FSIP1: variants seen among roughly 807,000 people sequenced by gnomAD.
The protein encoded by FSIP1 is fibrous sheath interacting protein 1, also known as fibrous sheath-interacting protein 1.
A neutral mutation model predicts 60.9 loss-of-function variants in FSIP1; 65 were observed. The observed-to-expected ratio is 1.07, with a 90% CI of 0.87 to 1.31. FSIP1 has a LOEUF of 1.31. Among genes scored for constraint, FSIP1 ranks in the 40% most tolerant of loss-of-function variants. The pLI, the probability that FSIP1 is intolerant of heterozygous loss-of-function variation, is 0.00. For missense variants in FSIP1, 675 were observed against 665.5 expected, an observed-to-expected ratio of 1.01 and a Z score of -0.16; for synonymous variants, 209 against 221.2, an observed-to-expected ratio of 0.94 and a Z score of 0.49.
rs1006855295 is a variant in FSIP1, at chr15:39,707,949, C to T, written c.1188+5495G>A. Among the ~76,000 whole-genome samples the T allele has an allele frequency of 2.6e-5, 4 of 152,272 alleles. No homozygotes were observed. The East Asian group carries it at 7.7e-4, about 29-fold the overall frequency. On this transcript the variant is annotated intron_variant, in intron 10 of 11. Coordinates refer to ENST00000350221, the MANE Select transcript of FSIP1 (RefSeq NM_152597.5). Reference sequence around the variant, plus strand: ...GAAGCCTGTAGAGCGCCCCAACCAACAGAAAACTACTCTCTTGTTTGTCTG... The same window carrying T: ...GAAGCCTGTAGAGCGCCCCAACCAATAGAAAACTACTCTCTTGTTTGTCTG...
At chr15:39,597,538 T>C (rs1330395881), downstream of FSIP1, 2 of 152,120 alleles carry the variant, frequency 1.3e-5, no homozygotes, top group Non-Finnish European at 2.9e-5. Flanking sequence ...ATACCATTCA[T>C]AAATCAATAT....
intron 6 of FSIP1, among the ~76,000 whole-genome samples, chr15:39,741,460 A>T (rs997452957): frequency 1.3e-5 from 2 of 152,232 alleles, no homozygotes; most frequent in South Asian, 2.1e-4. Context: ...CAACCTCTGA[A>T]TGACTAACCA....
chr15:39,769,514 C>G (rs1268036482), intron 3 of FSIP1, among the ~76,000 whole-genome samples: 1 of 152,118 alleles, frequency 6.6e-6, no homozygotes, highest in Non-Finnish European at 1.5e-5. Flanking sequence ...AAACGGTGTT[C>G]CATTATAAAA....
chr15:39,604,065 G>T (rs138964660), intron 11 of FSIP1, among the ~76,000 whole-genome samples: 1 of 152,194 alleles, frequency 6.6e-6, no homozygotes, highest in Non-Finnish European at 1.5e-5. Context: ...CCAAGTAGCT[G>T]GGATTATAGG....
Position 39,763,933 on chromosome 15 carries a change from A to G in FSIP1, c.466-19T>C. On this transcript the variant is annotated intron_variant, in intron 4 of 11. Coordinates refer to ENST00000350221, the MANE Select transcript of FSIP1 (RefSeq NM_152597.5). ...TTGCAGACTAATGAAAGGAAAATTA[A>G]AATTTAAACATGGGAAAAGAAGGCA... 7.5e-7 allele frequency: 1 copy of G among 1,324,668 alleles called. No individual in the cohort carries two copies. Among genetic ancestry groups the G allele is most frequent in the African/African-American group, 1.5e-5 (1 of 68,308 alleles). The allele number at this position is 1,324,668 out of a possible 1,614,324, so 82.1% of individuals were successfully genotyped here.
intron 10 of FSIP1, among the ~76,000 whole-genome samples, chr15:39,697,442 G>A (rs1894865959): frequency 6.6e-6 from 1 of 152,178 alleles, no homozygotes; most frequent in Non-Finnish European, 1.5e-5. Flanking sequence ...CTTAATGTAT[G>A]GAATGAACTG....
intron 1 of FSIP1, among the ~76,000 whole-genome samples, chr15:39,781,908 T>C (rs1185609032): frequency 2.0e-5 from 3 of 152,250 alleles, no homozygotes; most frequent in East Asian, 3.8e-4. Context: ...CATAACTGTA[T>C]ACATTTGTCA....
At chr15:39,770,295 G>A in intron 3 of FSIP1, 132 bp downstream of exon 3, 2 of 568,296 alleles carry the variant, frequency 3.5e-6, no homozygotes, top group South Asian at 8.6e-5. Context: ...AATAGTCTAT[G>A]TCTTTTTTTT....
chr15:39,670,516 C>G (rs766303098), intron 10 of FSIP1, among the ~76,000 whole-genome samples: 1 of 152,228 alleles, frequency 6.6e-6, no homozygotes, highest in East Asian at 1.9e-4. Flanking sequence ...GAGTCTCGCT[C>G]TGTAGCCCAG....
intron 9 of FSIP1, among the ~76,000 whole-genome samples, chr15:39,723,898 T>C (rs1377088427): frequency 1.3e-5 from 2 of 152,264 alleles, no homozygotes; most frequent in Non-Finnish European, 2.9e-5. Context: ...ATTCCTGCTT[T>C]GAAAATTCAA....
intron 10 of FSIP1, among the ~76,000 whole-genome samples, chr15:39,673,820 T>C (rs959290578): frequency 6.6e-6 from 1 of 152,050 alleles, no homozygotes; most frequent in Non-Finnish European, 1.5e-5. Context: ...ACTGCTATCA[T>C]GAATAATAAT....
At chr15:39,681,929 G>C (rs2140488287) in intron 10 of FSIP1, among the ~76,000 whole-genome samples, 1 of 152,264 alleles carries the variant, frequency 6.6e-6, no homozygotes, top group Admixed American at 6.5e-5. Flanking sequence ...TCTCTAATGA[G>C]TCCACAGAAT....
chr15:39,763,283 A>G (rs562786552), intron 5 of FSIP1, among the ~76,000 whole-genome samples: 3 of 152,246 alleles, frequency 2.0e-5, no homozygotes, highest in Non-Finnish European at 4.4e-5. Flanking sequence ...AATTTTCACC[A>G]TCATATAAAT....
At chr15:39,746,978 C>A (rs1461884261) in intron 5 of FSIP1, among the ~76,000 whole-genome samples, 1 of 146,886 alleles carries the variant, frequency 6.8e-6, no homozygotes, top group East Asian at 2.1e-4. Flanking sequence ...CCTGTTAGAC[C>A]CTAATGGTTT....
intron 5 of FSIP1, among the ~76,000 whole-genome samples, chr15:39,758,327 T>A (rs918941820): frequency 2.0e-5 from 3 of 152,062 alleles, no homozygotes; most frequent in African/African-American, 7.2e-5. Context: ...CCACCATAGA[T>A]CCACTTACAG....
intron 11 of FSIP1, among the ~76,000 whole-genome samples, chr15:39,610,312 A>G (rs1890981241): frequency 6.6e-6 from 1 of 152,218 alleles, no homozygotes; most frequent in South Asian, 2.1e-4. Context: ...ACATCCAGGT[A>G]TAGAAAGCTC....
In FSIP1 at chr15:39,780,251, C is replaced by T. The variant is rs930474072; in HGVS notation, c.-8+2377G>A. 7.9e-5 allele frequency among the ~76,000 whole-genome samples: 12 copies of T among 152,182 alleles called. 1 individual carries two copies. The highest frequency in any genetic ancestry group is 4.1e-4 in the South Asian group (2 of 4,822). ...ATTAACAATCAATTTTGGCCAGGCG[C>T]GGTGGCTCACGCCTGTAATCCCAGC... On this transcript the variant is annotated intron_variant, in intron 1 of 11. Coordinates refer to ENST00000350221, the MANE Select transcript of FSIP1 (RefSeq NM_152597.5).
chr15:39,729,657 A>C (rs1896329310), intron 8 of FSIP1, among the ~76,000 whole-genome samples: 2 of 152,170 alleles, frequency 1.3e-5, no homozygotes, highest in South Asian at 4.1e-4. Context: ...CTTTCAATAG[A>C]CTGGATAAAG....
intron 5 of FSIP1, chr15:39,747,239 C>G (rs1234795583): frequency 6.6e-6 from 1 of 152,010 alleles, no homozygotes; most frequent in African/African-American, 2.4e-5. Flanking sequence ...AAGTCAAGAA[C>G]AAAAAATGGT....
Sources: allele counts gnomAD v4.1 joint callset (sites outside exome capture counted in the v4.1 genomes callset), GRCh38; gene constraint gnomAD v4.1.1; transcripts MANE v1.5; gene names NCBI Gene and HGNC (gene_info 2026-07-23, HGNC 2026-07-21).